SH3RF3: variants seen among roughly 807,000 people sequenced by gnomAD.
SH3RF3 encodes the protein E3 ubiquitin-protein ligase SH3RF3.
In SH3RF3, 29 loss-of-function variants were observed where a neutral mutation model predicts 66.3. The observed-to-expected ratio is 0.44, with a 90% CI of 0.33 to 0.60. The LOEUF is 0.60. SH3RF3 is among the 20% of genes least tolerant of loss of function. The pLI, the probability that SH3RF3 is intolerant of heterozygous loss-of-function variation, is 0.04. For synonymous variants in SH3RF3, 583 were observed against 532.0 expected, an observed-to-expected ratio of 1.10 and a Z score of -1.32; for missense variants, 1,194 against 1,190.9, an observed-to-expected ratio of 1.00 and a Z score of -0.04.
At chr2:109,324,229 G>A (rs1574573997) in intron 1 of SH3RF3, among the ~76,000 whole-genome samples, 1 of 152,224 alleles carries the variant, frequency 6.6e-6, no homozygotes, top group Non-Finnish European at 1.5e-5. Context: ...CATCTGGGAT[G>A]TTCTCACTTT....
intron 3 of SH3RF3, among the ~76,000 whole-genome samples, chr2:109,391,440 G>A (rs1049614253): frequency 6.6e-6 from 1 of 152,158 alleles, no homozygotes; most frequent in Admixed American, 6.5e-5. Flanking sequence ...CCATGGGCTC[G>A]GGCCTTCACT....
chr2:109,216,857 A>C (rs930153062), intron 1 of SH3RF3, among the ~76,000 whole-genome samples: 3 of 152,152 alleles, frequency 2.0e-5, no homozygotes, highest in African/African-American at 7.2e-5. Flanking sequence ...GCACATTCTC[A>C]TTGTTGTGAA....
At chr2:109,336,208 G>A (rs1682417528) in intron 1 of SH3RF3, among the ~76,000 whole-genome samples, 1 of 152,224 alleles carries the variant, frequency 6.6e-6, no homozygotes, top group African/African-American at 2.4e-5. Flanking sequence ...AAGCTGGCCT[G>A]CAGGAGAAGG....
intron 5 of SH3RF3, among the ~76,000 whole-genome samples, chr2:109,429,022 C>G (rs1229568201): frequency 6.6e-6 from 1 of 152,216 alleles, no homozygotes. Flanking sequence ...CCTGACAGGA[C>G]TCAACTCACA....
chr2:109,443,782 C>T (rs1207756739), intron 7 of SH3RF3, among the ~76,000 whole-genome samples: 1 of 152,082 alleles, frequency 6.6e-6, no homozygotes, highest in Non-Finnish European at 1.5e-5. Context: ...GAGAAATAAA[C>T]AAATCTACAA....
At chr2:109,433,237 T>C (rs1677297333) in intron 6 of SH3RF3, among the ~76,000 whole-genome samples, 1 of 152,262 alleles carries the variant, frequency 6.6e-6, no homozygotes, top group South Asian at 2.1e-4. Context: ...ACGTGTGATA[T>C]GTAAAACACT....
At chr2:109,292,182 G>A (rs1681199611) in intron 1 of SH3RF3, among the ~76,000 whole-genome samples, 2 of 152,192 alleles carry the variant, frequency 1.3e-5, no homozygotes, top group South Asian at 4.1e-4. Flanking sequence ...ATTTTTAAAT[G>A]TTTCTTTCTA....
chr2:109,468,365 G>A (rs906148032), intron 8 of SH3RF3, among the ~76,000 whole-genome samples: 3 of 152,188 alleles, frequency 2.0e-5, no homozygotes, highest in Middle Eastern at 3.2e-3. Flanking sequence ...TGACAGCTGC[G>A]ACATCAGTAG....
intron 2 of SH3RF3, among the ~76,000 whole-genome samples, chr2:109,350,336 G>C (rs1682812591): frequency 6.6e-6 from 1 of 152,160 alleles, no homozygotes; most frequent in Non-Finnish European, 1.5e-5. Context: ...GATCTGTGAC[G>C]GCTCCCACAG....
In SH3RF3 at chr2:109,223,932, G is replaced by A. The variant is rs577601641; in HGVS notation, c.573+93819G>A. Among the ~76,000 whole-genome samples the A allele has an allele frequency of 2.0e-5, 3 of 152,368 alleles. No individual in the cohort carries two copies. The South Asian group carries it at 6.2e-4, about 32-fold the overall frequency. The stretch of plus-strand genomic sequence containing the variant: ...GGATCAGATCACTTGAGCCTGGGGG[G>A]TGTGGGTTGCAGTGAGCCATGATTG... On this transcript the variant is annotated intron_variant, in intron 1 of 9. Transcript: ENST00000309415.
intron 1 of SH3RF3, among the ~76,000 whole-genome samples, chr2:109,138,984 C>T (rs920746135): frequency 1.3e-5 from 2 of 152,166 alleles, no homozygotes; most frequent in African/African-American, 2.4e-5. Flanking sequence ...TAATAAGAGA[C>T]ATGAAGACAA....
intron 1 of SH3RF3, among the ~76,000 whole-genome samples, chr2:109,212,288 G>C (rs1482033257): frequency 6.6e-6 from 1 of 152,226 alleles, no homozygotes. Context: ...GCTGAAGGAA[G>C]TCAGTTGGCT....
intron 7 of SH3RF3, among the ~76,000 whole-genome samples, chr2:109,442,595 A>C (rs1677600126): frequency 6.6e-6 from 1 of 152,212 alleles, no homozygotes; most frequent in Non-Finnish European, 1.5e-5. Context: ...GGGAAGGGAG[A>C]AGTGGAAGTT....
chr2:109,488,756 C>A (rs370632480), intron 8 of SH3RF3, among the ~76,000 whole-genome samples: 1 of 152,234 alleles, frequency 6.6e-6, no homozygotes, highest in Non-Finnish European at 1.5e-5. Context: ...AGGGCTGCAA[C>A]GAAATCCATG....
At chr2:109,470,165 C>T (rs1678465400) in intron 8 of SH3RF3, among the ~76,000 whole-genome samples, 1 of 152,092 alleles carries the variant, frequency 6.6e-6, no homozygotes, top group South Asian at 2.1e-4. Context: ...CTGGGGTGGC[C>T]CTGTCTCCTC....
Position 109,419,641 on chromosome 2 carries a change from G to C in SH3RF3, c.1402G>C (p.Val468Leu). ...TCCCAAGGTCCAGCTGCCCCTCAAC[G>C]TGTGAGCTGCCCTTTGTGTCTGTCG... ...TPPKVQLPLNVYLALYAYKPQ... is the reference protein window; with the variant it reads ...TPPKVQLPLNLYLALYAYKPQ... Residue 468 changes from valine (V) to leucine (L), a missense_variant and splice_region_variant, in exon 5 of 10, where the codon GTG becomes CTG. Val to Leu is a conservative substitution (Grantham distance 32). Transcript: ENST00000309415. 6.4e-7 allele frequency: 1 copy of C among 1,572,550 alleles called. No homozygotes were observed. Among genetic ancestry groups the C allele is most frequent in the Non-Finnish European group, 8.6e-7 (1 of 1,160,956 alleles).
chr2:109,260,082 CT>C (rs931678622), intron 1 of SH3RF3, among the ~76,000 whole-genome samples: 7 of 152,078 alleles, frequency 4.6e-5, no homozygotes, highest in Admixed American at 6.5e-5. Context: ...CTGGGAATAC[CT>C]TTTTGAGAGT....
At chr2:109,382,515 C>T (rs571283480) in intron 3 of SH3RF3, among the ~76,000 whole-genome samples, 70 of 152,328 alleles carry the variant, frequency 4.6e-4, no homozygotes, top group Admixed American at 2.1e-3. Flanking sequence ...AGCACATGCC[C>T]TTCCGTCTTG....
intron 6 of SH3RF3, among the ~76,000 whole-genome samples, chr2:109,436,026 C>G (rs1048242296): frequency 6.6e-6 from 1 of 152,100 alleles, no homozygotes; most frequent in Non-Finnish European, 1.5e-5. Flanking sequence ...TGCTAGAGGT[C>G]GTGCCCAGTG....
Sources: gnomAD v4.1 joint callset for allele counts (sites outside exome capture counted in the v4.1 genomes callset) on GRCh38, gnomAD v4.1.1 for gene constraint, MANE v1.5 for transcripts, NCBI Gene and HGNC (gene_info 2026-07-23, HGNC 2026-07-21) for gene names.